Variants in CREBZF observed in about 807,000 individuals in gnomAD.
The protein encoded by CREBZF is CREB/ATF bZIP transcription factor.
CREBZF carries 8 observed loss-of-function variants against 21.1 expected under a neutral mutation model. The ratio of observed to expected loss-of-function variants is 0.38; its 90% CI spans 0.22 to 0.68. CREBZF has a LOEUF of 0.68. Ranked by LOEUF, CREBZF falls within the 30% of genes least tolerant of loss-of-function variation. The pLI is 0.51. For synonymous variants in CREBZF, 270 were observed against 223.3 expected, an observed-to-expected ratio of 1.21 and a Z score of -1.86; for missense variants, 518 against 484.3, an observed-to-expected ratio of 1.07 and a Z score of -0.65.
intron 1 of CREBZF, among the ~76,000 whole-genome samples, chr11:85,679,331 T>G (rs1332969118): frequency 6.6e-6 from 1 of 152,220 alleles, no homozygotes; most frequent in Non-Finnish European, 1.5e-5. Flanking sequence ...TCCAGAAGGA[T>G]GCAAAGTCAG....
At chr11:85,678,824 T>C (rs1444517340) in intron 1 of CREBZF, among the ~76,000 whole-genome samples, 1 of 152,238 alleles carries the variant, frequency 6.6e-6, no homozygotes, top group Non-Finnish European at 1.5e-5. Flanking sequence ...AGCCAGGATT[T>C]AAATCTAGGC....
At chr11:85,675,590 G>C (rs1221431658) in intron 1 of CREBZF, among the ~76,000 whole-genome samples, 1 of 152,124 alleles carries the variant, frequency 6.6e-6, no homozygotes, top group Non-Finnish European at 1.5e-5. Flanking sequence ...GAAAAAGCCT[G>C]AAATAGTGTG....
At chr11:85,670,145 C>T (rs1255657779) in intron 1 of CREBZF, among the ~76,000 whole-genome samples, 1 of 151,778 alleles carries the variant, frequency 6.6e-6, no homozygotes, top group Admixed American at 6.6e-5. Flanking sequence ...TTCATTGGAA[C>T]TTGAAGGAAG....
intron 1 of CREBZF, among the ~76,000 whole-genome samples, chr11:85,670,946 A>C (rs2082907670): frequency 6.6e-6 from 1 of 152,210 alleles, no homozygotes; most frequent in Admixed American, 6.5e-5. Flanking sequence ...TAAAAAGAAA[A>C]CATTTGTATA....
chr11:85,671,622 A>C (rs1279555997), intron 1 of CREBZF, among the ~76,000 whole-genome samples: 1 of 152,228 alleles, frequency 6.6e-6, no homozygotes, highest in Non-Finnish European at 1.5e-5. Context: ...GCCAAAACAA[A>C]GGGGCTACAG....
chr11:85,665,211 G>A (rs189778815), upstream of CREBZF: 534 of 318,556 alleles, frequency 1.7e-3, 1 homozygote, highest in Admixed American at 2.8e-3. Context: ...GTGCTTTAGA[G>A]TGGGAATAAT....
At chr11:85,678,892 A>T (rs1003769888) in intron 1 of CREBZF, among the ~76,000 whole-genome samples, 3 of 152,180 alleles carry the variant, frequency 2.0e-5, no homozygotes, top group Admixed American at 6.5e-5. Context: ...TGGTTTGCTG[A>T]TCATAGATCT....
chr11:85,672,632 AT>A (rs146321646), intron 1 of CREBZF, among the ~76,000 whole-genome samples: 7,547 of 152,228 alleles, frequency 0.05, 604 homozygotes, highest in African/African-American at 0.17. Context: ...GCTCATTCAC[AT>A]GGCTAACTGG....
rs897901422 is a variant in CREBZF at position 85,665,076 on chromosome 11, G to A, written c.-201C>T. 6 of 432,440 alleles carry A rather than the reference G, an allele frequency of 1.4e-5. No homozygotes were observed. The highest frequency in any genetic ancestry group is 4.1e-5 in the African/African-American group (2 of 48,738). 26.8% of individuals were successfully genotyped at this position (432,440 alleles called of 1,614,324 possible). ...GGGAGGGACGGGAGAACGAAGCGGT[G>A]AGGCCCTGCGATGACTCGACCGCGC... On this transcript the variant is annotated 5_prime_UTR_variant, in exon 1 of 1. Transcript: ENST00000527447.
chr11:85,664,630 C>G lies in CREBZF; in HGVS notation c.246G>C (p.Glu82Asp). The change falls in exon 1 of 1, where the codon GAG becomes GAC. Residue 82 changes from glutamate to aspartate, a missense_variant. Glu to Asp is a conservative substitution (Grantham distance 45). Transcript: ENST00000527447. The surrounding 1 kb of genome is among the most constrained non-coding windows in gnomAD (Gnocchi z 5.5). ...GVAVRAPSPE[E>D]MEEEAIASLP... ...GGCTGGCGATCGCCTCCTCCTCCAT[C>G]TCCTCGGGGGAGGGCGCGCGCACGG... 1 of 1,612,538 alleles carries G rather than the reference C, an allele frequency of 6.2e-7. No homozygotes were observed. Among genetic ancestry groups the G allele is most frequent in the Non-Finnish European group, 8.5e-7 (1 of 1,179,412 alleles).
At chr11:85,672,496 G>T (rs1469671613) in intron 1 of CREBZF, among the ~76,000 whole-genome samples, 1 of 152,266 alleles carries the variant, frequency 6.6e-6, no homozygotes, top group East Asian at 1.9e-4. Flanking sequence ...CTTTTGTGTT[G>T]TTTCCTCTTG....
upstream of CREBZF, among the ~76,000 whole-genome samples, chr11:85,667,456 C>G (rs1347817326): frequency 6.6e-6 from 1 of 152,178 alleles, no homozygotes; most frequent in Non-Finnish European, 1.5e-5. Flanking sequence ...ATTTTCACTT[C>G]CCTAACTCAT....
At chr11:85,666,399 A>ATC (rs2082863274), upstream of CREBZF, among the ~76,000 whole-genome samples, 1 of 152,238 alleles carries the variant, frequency 6.6e-6, no homozygotes, top group Non-Finnish European at 1.5e-5. Context: ...GAAAAGGTTA[A>ATC]TCTTGGAATT....
rs192968795 is a variant in CREBZF, at chr11:85,664,256, G to T, written c.620C>A (p.Thr207Lys). ...CGCCGCCGCCTTCCGGGGACTCTTTGTCGCCGCCTGGTTGTTGTCGTTACC... is the reference window on the plus strand; with the variant it reads ...CGCCGCCGCCTTCCGGGGACTCTTTTTCGCCGCCTGGTTGTTGTCGTTACC... Reference protein sequence around the residue: ...GSGNDNNQAATKSPRKAAAAA... With the variant: ...GSGNDNNQAAKKSPRKAAAAA... Residue 207 changes from threonine to lysine, a missense_variant, in exon 1 of 1, where the codon ACA becomes AAA. Transcript: ENST00000527447. The surrounding 1 kb of genome is among the most constrained non-coding windows in gnomAD (Gnocchi z 5.5). 1.5e-4 allele frequency: 246 copies of T among 1,612,770 alleles called. 2 individuals are homozygous for T. The East Asian group carries it at 4.7e-3, about 31-fold the overall frequency.
Position 85,659,516 on chromosome 11 carries a change from A to G in CREBZF, c.*4295T>C, listed in dbSNP as rs146068505. 1.5e-4 allele frequency among the ~76,000 whole-genome samples: 23 copies of G among 152,158 alleles called. No individual in the cohort carries two copies. Among genetic ancestry groups the G allele is most frequent in the African/African-American group, 4.8e-4 (20 of 41,556 alleles). On this transcript the variant is annotated 3_prime_UTR_variant, in exon 1 of 1. Coordinates refer to ENST00000527447, the MANE Select transcript of CREBZF (RefSeq NM_001039618.4). ...TACACTTAAAATGGTAAGAAACTGA[A>G]TGGATTTAATAAGTTTTGAATAATA...
At chr11:85,667,326 G>C (rs2082879533), upstream of CREBZF, among the ~76,000 whole-genome samples, 1 of 152,114 alleles carries the variant, frequency 6.6e-6, no homozygotes, top group African/African-American at 2.4e-5. Flanking sequence ...GCCCGACTCA[G>C]CCTCCCAAAG....
At chr11:85,670,277 C>T (rs1325199866) in intron 1 of CREBZF, among the ~76,000 whole-genome samples, 2 of 118,324 alleles carry the variant, frequency 1.7e-5, no homozygotes, top group African/African-American at 6.4e-5. Context: ...TAATCCCCCC[C>T]CCCCACAATA....
rs1192 is a variant in CREBZF, at chr11:85,663,949, C to A, written c.927G>T (p.Pro309=). 4.3e-6 allele frequency: 7 copies of A among 1,613,720 alleles called. No individual in the cohort carries two copies. The highest frequency in any genetic ancestry group is 5.1e-6 in the Non-Finnish European group (6 of 1,180,006). Residue 309 remains proline, a synonymous_variant, in exon 1 of 1, where the codon CCG becomes CCT. Transcript: ENST00000527447. ...SPAGDHDYAL[P]VGKQKQDLLE... ...GCAGGTCCTGCTTCTGCTTTCCCAC[C>A]GGCAGAGCGTAGTCGTGGTCACCGG...
rs914668192 is a variant in CREBZF, at chr11:85,663,689, C to T, written c.*122G>A. 6.2e-7 allele frequency: 1 copy of T among 1,609,134 alleles called. No homozygotes were observed. The highest frequency in any genetic ancestry group is 1.3e-5 in the African/African-American group (1 of 74,600). On this transcript the variant is annotated 3_prime_UTR_variant, in exon 1 of 1. Coordinates refer to ENST00000527447, the MANE Select transcript of CREBZF (RefSeq NM_001039618.4). ...GCTTTTAGCTAAACACTTTAAGATTCAATATTACTTTTTTTCTCTCCTCTG... is the reference window on the plus strand; with the variant it reads ...GCTTTTAGCTAAACACTTTAAGATTTAATATTACTTTTTTTCTCTCCTCTG...
Sources: allele counts gnomAD v4.1 joint callset (sites outside exome capture counted in the v4.1 genomes callset), GRCh38; gene constraint gnomAD v4.1.1; non-coding constraint Gnocchi (gnomAD v3.1); transcripts MANE v1.5; gene names NCBI Gene and HGNC (gene_info 2026-07-23, HGNC 2026-07-21).